Variants in FAM228B observed in about 807,000 individuals in gnomAD.
FAM228B encodes the protein family with sequence similarity 228 member B.
FAM228B carries 38 observed loss-of-function variants against 42.6 expected under a neutral mutation model. That is an observed-to-expected ratio of 0.89 (90% CI 0.69 to 1.17). The LOEUF is 1.17. Among genes scored for constraint, FAM228B ranks in the 50% most tolerant of loss-of-function variants. The pLI, the probability that FAM228B is intolerant of heterozygous loss-of-function variation, is 0.00. For missense variants in FAM228B, 344 were observed against 367.3 expected, an observed-to-expected ratio of 0.94 and a Z score of 0.52; for synonymous variants, 109 against 122.3, an observed-to-expected ratio of 0.89 and a Z score of 0.72.
At chr2:24,115,740 C>G in intron 3 of FAM228B, 1 of 971,086 alleles carries the variant, frequency 1.0e-6, no homozygotes, top group Non-Finnish European at 1.6e-6. Context: ...GTGCTAGGTA[C>G]TGGAGAAACA....
chr2:24,125,382 CAAAT>C (rs1367436758), intron 2 of FAM228B, among the ~76,000 whole-genome samples: 2 of 152,094 alleles, frequency 1.3e-5, no homozygotes, highest in Admixed American at 6.6e-5. Context: ...GACCCTGTCT[CAAAT>C]AAAGTGTACA....
chr2:24,090,324 G>C (rs529911527), intron 2 of FAM228B, among the ~76,000 whole-genome samples: 184 of 152,086 alleles, frequency 1.2e-3, no homozygotes, highest in African/African-American at 4.3e-3. Context: ...GCTCAACCCT[G>C]TAATCCCAGC....
intron 3 of FAM228B, among the ~76,000 whole-genome samples, chr2:24,105,542 C>A (rs888972544): frequency 7.9e-5 from 12 of 152,220 alleles, no homozygotes; most frequent in Admixed American, 7.9e-4. Flanking sequence ...TCTGGCAAAT[C>A]AAAAAGCCAG....
chr2:24,129,564 A>G (rs6728805), intron 2 of FAM228B, among the ~76,000 whole-genome samples: 150,906 of 152,078 alleles, frequency 0.99, 74,876 homozygotes, highest in East Asian at 1. Context: ...AATTTCTAAT[A>G]GTCTGTCTTC....
At chr2:24,161,981 C>T (rs890943460) in intron 8 of FAM228B, among the ~76,000 whole-genome samples, 7 of 151,516 alleles carry the variant, frequency 4.6e-5, no homozygotes, top group Admixed American at 6.6e-5. Context: ...CAACTATAAT[C>T]CCAGCTATCT....
At position 24,126,811 on chromosome 2, in the gene FAM228B, GA is replaced by G. The variant is rs1666320230; in HGVS notation, c.99+2352del. 2.0e-3 allele frequency among the ~76,000 whole-genome samples: 68 copies of G among 34,408 alleles called. No individual in the cohort carries two copies. In the Admixed American group the frequency reaches 0.032, roughly 16 times the overall value. The allele number at this position is 34,408 out of a possible 152,430, so 22.6% of individuals were successfully genotyped here. On this transcript the variant is annotated intron_variant, in intron 2 of 10. Coordinates refer to ENST00000615575, the MANE Select transcript of FAM228B (RefSeq NM_001145710.2). ...TTTGTATTTTTACAAAAAAAAAGTA[GA>G]GAGGGGTTTCACCACGTTAGCCAGG...
intron 5 of FAM228B, among the ~76,000 whole-genome samples, chr2:24,146,254 T>C (rs1369121819): frequency 6.6e-6 from 1 of 152,198 alleles, no homozygotes; most frequent in African/African-American, 2.4e-5. Context: ...TTTTCATATG[T>C]AGAACTGTCA....
At chr2:24,117,711 G>A (rs1270534615) in intron 3 of FAM228B, among the ~76,000 whole-genome samples, 2 of 152,162 alleles carry the variant, frequency 1.3e-5, no homozygotes, top group African/African-American at 4.8e-5. Flanking sequence ...CCAAAGTGCT[G>A]AGATTACAGG....
At chr2:24,152,848 C>A (rs1300854112) in intron 7 of FAM228B, among the ~76,000 whole-genome samples, 1 of 152,160 alleles carries the variant, frequency 6.6e-6, no homozygotes, top group African/African-American at 2.4e-5. Context: ...TAAAAAAAAC[C>A]TTAGCAGTTT....
chr2:24,085,543 A>G (rs939581435), intron 2 of FAM228B: 1 of 152,022 alleles, frequency 6.6e-6, no homozygotes, highest in East Asian at 1.9e-4. Flanking sequence ...ATCACCCTCA[A>G]TATCTCATCC....
In FAM228B at chr2:24,077,422, G is replaced by C. The variant is rs1161545466; in HGVS notation, c.-290+453G>C. On this transcript the variant is annotated intron_variant, in intron 1 of 10. Transcript: ENST00000613899. The surrounding 1 kb of genome is among the most constrained non-coding windows in gnomAD (Gnocchi z 5.5). ...AACCCCGCCGCGGCGGCCCCAGTCC[G>C]CGTGCCACCCTTCCAGTTCACTCTT... is the stretch of plus-strand genomic sequence containing the variant. 2.2e-6 allele frequency: 2 copies of C among 901,004 alleles called. No homozygotes were observed. Among genetic ancestry groups the C allele is most frequent in the Admixed American group, 3.2e-5 (1 of 31,238 alleles). The allele number at this position is 901,004 out of a possible 1,614,324, so 55.8% of individuals were successfully genotyped here.
chr2:24,162,683 A>T (rs902108051), intron 8 of FAM228B, among the ~76,000 whole-genome samples: 1 of 152,264 alleles, frequency 6.6e-6, no homozygotes, highest in Non-Finnish European at 1.5e-5. Flanking sequence ...AATGTCTATC[A>T]GCTGATGAAT....
chr2:24,127,783 C>G (rs1666353311), intron 2 of FAM228B, among the ~76,000 whole-genome samples: 1 of 152,048 alleles, frequency 6.6e-6, no homozygotes, highest in African/African-American at 2.4e-5. Flanking sequence ...GTGCCTAAGC[C>G]TCCCGAGTAG....
chr2:24,138,822 T>G (rs1014883504), intron 4 of FAM228B, among the ~76,000 whole-genome samples: 2 of 151,598 alleles, frequency 1.3e-5, no homozygotes, highest in African/African-American at 4.8e-5. Flanking sequence ...GGTGGGTGCC[T>G]GTAATCCCAG....
chr2:24,106,136 A>G (rs1355517002), intron 3 of FAM228B, among the ~76,000 whole-genome samples: 1 of 152,136 alleles, frequency 6.6e-6, no homozygotes, highest in Non-Finnish European at 1.5e-5. Context: ...ATATTACTCA[A>G]GACCATCCCC....
intron 2 of FAM228B, among the ~76,000 whole-genome samples, chr2:24,128,076 A>G (rs1666359857): frequency 6.6e-6 from 1 of 152,118 alleles, no homozygotes; most frequent in Admixed American, 6.5e-5. Flanking sequence ...AATTTTCTTC[A>G]GTTTTTCCCC....
chr2:24,155,455 A>G (rs1001400027), intron 7 of FAM228B, among the ~76,000 whole-genome samples: 10 of 141,718 alleles, frequency 7.1e-5, no homozygotes, highest in Admixed American at 5.0e-4. Flanking sequence ...ACTGAATCTT[A>G]GTCTTTACAC....
At chr2:24,164,401 C>T in intron 9 of FAM228B, 66 bp downstream of exon 9, 1 of 1,469,716 alleles carries the variant, frequency 6.8e-7, no homozygotes, top group Non-Finnish European at 9.1e-7. Context: ...AAAATCTGAG[C>T]ACCTGGGAAC....
Position 24,146,891 on chromosome 2 carries a change from A to G in FAM228B, c.530-39A>G, listed in dbSNP as rs1003586774. On this transcript the variant is annotated intron_variant, in intron 6 of 10. Transcript: ENST00000615575. ...ATAGCCCAAGAGCAATGGCAGATGC[A>G]TTTAAGGATGTTAATTTAGATTTTT... 31 of 1,542,918 alleles carry G rather than the reference A, an allele frequency of 2.0e-5. No individual in the cohort carries two copies. The East Asian group carries it at 6.9e-4, about 34-fold the overall frequency.
Sources: gnomAD v4.1 joint callset for allele counts (sites outside exome capture counted in the v4.1 genomes callset) on GRCh38, gnomAD v4.1.1 for gene constraint, Gnocchi (gnomAD v3.1) non-coding constraint, MANE v1.5 for transcripts, NCBI Gene and HGNC (gene_info 2026-07-23, HGNC 2026-07-21) for gene names.